Variants in CACNA2D3 observed in about 807,000 individuals in gnomAD.
CACNA2D3 encodes the protein voltage-dependent calcium channel subunit alpha-2/delta-3.
Under a neutral mutation model 160.6 loss-of-function variants are expected in CACNA2D3, and 60 were observed. The observed-to-expected ratio is 0.37, with a 90% CI of 0.30 to 0.46. The LOEUF is 0.46. CACNA2D3 is among the 20% of genes least tolerant of loss of function. CACNA2D3 has a pLI of 1.00. For synonymous variants in CACNA2D3, 558 were observed against 492.9 expected (o/e 1.13, Z -1.75); for missense variants, 1,205 against 1,365.0 (o/e 0.88, Z 1.85).
chr3:54,616,307 A>G (rs1170967729), intron 9 of CACNA2D3, among the ~76,000 whole-genome samples: 1 of 152,018 alleles, frequency 6.6e-6, no homozygotes, highest in Non-Finnish European at 1.5e-5. Context: ...GCTCTTGGAA[A>G]GAGACTTCAG....
intron 29 of CACNA2D3, among the ~76,000 whole-genome samples, chr3:54,982,484 T>C (rs1275896928): frequency 6.6e-6 from 1 of 152,082 alleles, no homozygotes; most frequent in Non-Finnish European, 1.5e-5. Flanking sequence ...ATGATTTTCC[T>C]TTGGGTTGGG....
intron 11 of CACNA2D3, among the ~76,000 whole-genome samples, chr3:54,654,419 T>C (rs983867274): frequency 6.6e-6 from 1 of 152,176 alleles, no homozygotes; most frequent in Non-Finnish European, 1.5e-5. Context: ...ATCTACCAGT[T>C]ATTTGAACAG....
At chr3:54,309,842 C>G (rs1228612282) in intron 2 of CACNA2D3, among the ~76,000 whole-genome samples, 1 of 152,098 alleles carries the variant, frequency 6.6e-6, no homozygotes, top group African/African-American at 2.4e-5. Flanking sequence ...AGGTCATGCT[C>G]TGAATCCCTC....
chr3:54,283,439 G>A (rs146463075), intron 2 of CACNA2D3, among the ~76,000 whole-genome samples: 17 of 152,296 alleles, frequency 1.1e-4, no homozygotes, highest in African/African-American at 3.4e-4. Flanking sequence ...TTTTAGCAGA[G>A]TATTAAACAT....
chr3:54,302,337 A>G (rs903420579), intron 2 of CACNA2D3, among the ~76,000 whole-genome samples: 6 of 152,214 alleles, frequency 3.9e-5, no homozygotes, highest in African/African-American at 1.4e-4. Context: ...TGGTTGGTGT[A>G]GCTCAGGGGT....
intron 5 of CACNA2D3, among the ~76,000 whole-genome samples, chr3:54,546,024 A>G (rs1702058258): frequency 6.6e-6 from 1 of 152,220 alleles, no homozygotes; most frequent in Admixed American, 6.5e-5. Context: ...CAGTCAGAAG[A>G]CATCTGAAGA....
chr3:54,784,055 T>A (rs1702583479), intron 13 of CACNA2D3, among the ~76,000 whole-genome samples: 1 of 152,168 alleles, frequency 6.6e-6, no homozygotes, highest in Non-Finnish European at 1.5e-5. Flanking sequence ...AAATTGAGGG[T>A]CCTGAATCAA....
chr3:54,535,456 G>A (rs1481478223), intron 5 of CACNA2D3, among the ~76,000 whole-genome samples: 1 of 152,068 alleles, frequency 6.6e-6, no homozygotes, highest in Admixed American at 6.5e-5. Flanking sequence ...TTCTATAAAA[G>A]CATAAGTTTT....
chr3:54,244,742 A>G (rs1156354877), intron 2 of CACNA2D3, among the ~76,000 whole-genome samples: 7 of 152,278 alleles, frequency 4.6e-5, no homozygotes, highest in Non-Finnish European at 1.0e-4. Context: ...TCAAACAGCA[A>G]TTTGCAAGAC....
intron 13 of CACNA2D3, among the ~76,000 whole-genome samples, chr3:54,799,334 T>G (rs1702933992): frequency 6.6e-6 from 1 of 152,224 alleles, no homozygotes. Context: ...CTGCCACCTC[T>G]GATATTTTTT....
intron 12 of CACNA2D3, among the ~76,000 whole-genome samples, chr3:54,752,897 G>A (rs553560636): frequency 1.8e-4 from 23 of 126,246 alleles, no homozygotes; most frequent in African/African-American, 6.6e-4. Context: ...ATCTTGCTCT[G>A]TTGCCCAGGC....
intron 4 of CACNA2D3, among the ~76,000 whole-genome samples, chr3:54,462,089 G>T (rs1358757056): frequency 6.6e-6 from 1 of 152,118 alleles, no homozygotes; most frequent in Non-Finnish European, 1.5e-5. Flanking sequence ...GAGTGGTTTT[G>T]AGTGAGTTTC....
At chr3:54,703,774 C>T (rs896057831) in intron 11 of CACNA2D3, among the ~76,000 whole-genome samples, 1 of 152,158 alleles carries the variant, frequency 6.6e-6, no homozygotes, top group Non-Finnish European at 1.5e-5. Context: ...AAAATGTCGG[C>T]AAGCTCACAG....
intron 17 of CACNA2D3, 41 bp downstream of exon 17, chr3:54,846,508 T>G: frequency 7.7e-7 from 1 of 1,304,078 alleles, no homozygotes; most frequent in Non-Finnish European, 1.1e-6. Context: ...GCTTTTATGA[T>G]TTTAAAAGAT....
chr3:54,401,877 G>T (rs1001750848), intron 4 of CACNA2D3, among the ~76,000 whole-genome samples: 1 of 152,092 alleles, frequency 6.6e-6, no homozygotes, highest in Non-Finnish European at 1.5e-5. Flanking sequence ...TCTGTAAATC[G>T]TATATATCTC....
In CACNA2D3 at chr3:54,785,066, A is replaced by G. The variant is rs569835588; in HGVS notation, c.1380+20715A>G. 2.6e-5 allele frequency among the ~76,000 whole-genome samples: 4 copies of G among 152,330 alleles called. No homozygotes were observed. In the South Asian group the frequency reaches 8.3e-4, roughly 32 times the overall value. ...GAGCTCAGAACCAGAGTAACTGCAC[A>G]GCTGCAAACACCATCCTTCCGCAGG... is the stretch of plus-strand genomic sequence containing the variant. On this transcript the variant is annotated intron_variant, in intron 13 of 37. Transcript: ENST00000474759.
intron 2 of CACNA2D3, among the ~76,000 whole-genome samples, chr3:54,267,614 T>C (rs1702543983): frequency 6.6e-6 from 1 of 152,218 alleles, no homozygotes; most frequent in African/African-American, 2.4e-5. Flanking sequence ...TAAGTCTAAA[T>C]TCATTTGATG....
intron 27 of CACNA2D3, 99 bp downstream of exon 27, chr3:54,899,967 G>A: frequency 1.2e-6 from 1 of 821,884 alleles, no homozygotes; most frequent in Non-Finnish European, 2.0e-6. Context: ...CTCCAAAAAG[G>A]TTTTCAAAGG....
At chr3:54,729,998 CAAAAA>C (rs56364535) in intron 11 of CACNA2D3, among the ~76,000 whole-genome samples, 1,196 of 109,452 alleles carry the variant, frequency 0.011, 14 homozygotes, top group African/African-American at 0.013. Context: ...GACTCCATCT[CAAAAA>C]AAAAAAAAAA....
Sources: gnomAD v4.1 joint callset for allele counts (sites outside exome capture counted in the v4.1 genomes callset) on GRCh38, gnomAD v4.1.1 for gene constraint, MANE v1.5 for transcripts, NCBI Gene and HGNC (gene_info 2026-07-23, HGNC 2026-07-21) for gene names.